The following PIK3C2G variants were observed in gnomAD, a reference collection of about 807,000 sequenced individuals.
The protein encoded by PIK3C2G is phosphatidylinositol 3-kinase C2 domain-containing subunit gamma.
Under a neutral mutation model 181.1 loss-of-function variants are expected in PIK3C2G, and 168 were observed. That is an observed-to-expected ratio of 0.93 (90% confidence interval 0.82 to 1.05). The LOEUF is 1.05. Ranked by LOEUF, PIK3C2G falls within the 50% of genes least tolerant of loss-of-function variation. PIK3C2G has a pLI of 0.00. For missense variants in PIK3C2G, 1,869 were observed against 1,732.8 expected (o/e 1.08, Z -1.40); for synonymous variants, 573 against 592.2 (o/e 0.97, Z 0.47).
chr12:18,395,270 C>A (rs1238083360), intron 15 of PIK3C2G, among the ~76,000 whole-genome samples: 1 of 150,352 alleles, frequency 6.7e-6, no homozygotes, highest in Non-Finnish European at 1.5e-5. Context: ...AGAGAAACAA[C>A]TATAATATTA....
At chr12:18,544,661 GA>G (rs144244628) in intron 25 of PIK3C2G, among the ~76,000 whole-genome samples, 7 of 151,406 alleles carry the variant, frequency 4.6e-5, no homozygotes, top group Admixed American at 6.6e-5. Context: ...AAATGAAACA[GA>G]AAAAAAAGAA....
At chr12:18,573,632 T>C (rs191193551) in intron 29 of PIK3C2G, among the ~76,000 whole-genome samples, 1 of 152,206 alleles carries the variant, frequency 6.6e-6, no homozygotes, top group African/African-American at 2.4e-5. Context: ...AAAGCAAATG[T>C]CTAGCTGTTT....
chr12:18,387,593 C>T (rs1016269138), intron 14 of PIK3C2G, among the ~76,000 whole-genome samples: 5 of 152,098 alleles, frequency 3.3e-5, no homozygotes, highest in Admixed American at 3.3e-4. Flanking sequence ...TTTTTCCACC[C>T]ACGGACCCTC....
chr12:18,488,549 T>C lies in PIK3C2G; in HGVS notation c.2605T>C (p.Phe869Leu). The change falls in exon 19 of 33, where the codon TTT becomes CTT. Residue 869 changes from phenylalanine to leucine, a missense_variant. Coordinates refer to ENST00000538779, the MANE Select transcript of PIK3C2G (RefSeq NM_001288772.2). ...TGCAGGTAAAGCCTTGAATGATGAG[T>C]TTTCCAAGGAGCAGAAACTTATCAA... ...FCAGKALNDE[F>L]SKEQKLIKIL... is the part of the protein sequence containing the mutation. 6.3e-7 allele frequency: 1 copy of C among 1,589,440 alleles called. No individual in the cohort carries two copies. Among genetic ancestry groups the C allele is most frequent in the Non-Finnish European group, 8.6e-7 (1 of 1,167,416 alleles).
chr12:18,337,606 CGTGGCGAG>C (rs1393951292), intron 8 of PIK3C2G, among the ~76,000 whole-genome samples: 1 of 152,072 alleles, frequency 6.6e-6, no homozygotes, highest in African/African-American at 2.4e-5. Flanking sequence ...AGGTGTCTCA[CGTGGCGAG>C]AGCTGGAGCA....
chr12:18,723,498 A>C, the PIK3C2G span: 3 of 1,612,736 alleles, frequency 1.9e-6, no homozygotes, highest in African/African-American at 4.0e-5. Flanking sequence ...AAATTGCTCT[A>C]AATTCTTCTA....
intron 29 of PIK3C2G, among the ~76,000 whole-genome samples, chr12:18,587,234 G>C (rs1946827939): frequency 6.6e-6 from 1 of 152,108 alleles, no homozygotes; most frequent in South Asian, 2.1e-4. Flanking sequence ...AATAAATAAA[G>C]GGCATCCAAA....
chr12:18,509,044 T>A (rs1230319096), intron 24 of PIK3C2G, among the ~76,000 whole-genome samples: 1 of 152,040 alleles, frequency 6.6e-6, no homozygotes, highest in Non-Finnish European at 1.5e-5. Context: ...TATTATTGCT[T>A]TTTTATTTTT....
chr12:18,331,363 T>C (rs1179170027), intron 8 of PIK3C2G, among the ~76,000 whole-genome samples: 1 of 152,170 alleles, frequency 6.6e-6, no homozygotes, highest in African/African-American at 2.4e-5. Flanking sequence ...TCAGCAATGC[T>C]TTACAATTTA....
chr12:18,399,624 T>C (rs1351902028), intron 15 of PIK3C2G, 35 bp from the exon 16 acceptor site: 1 of 1,389,486 alleles, frequency 7.2e-7, no homozygotes, highest in East Asian at 2.3e-5. Flanking sequence ...TGCAGCAAAC[T>C]CCAGTAAATT....
chr12:18,702,818 C>CTT, the PIK3C2G span, among the ~76,000 whole-genome samples: 2,947 of 116,530 alleles, frequency 0.025, 188 homozygotes, highest in African/African-American at 0.067. Context: ...GATAAAGTAA[C>CTT]TTTTTTTTTT....
chr12:18,716,856 T>C, the PIK3C2G span, among the ~76,000 whole-genome samples: 16 of 152,216 alleles, frequency 1.1e-4, no homozygotes, highest in Non-Finnish European at 2.4e-4. Flanking sequence ...AAAATAAATT[T>C]AAGAATCTTT....
chr12:18,279,019 GA>G (rs1272349826), intron 1 of PIK3C2G, among the ~76,000 whole-genome samples: 31 of 151,858 alleles, frequency 2.0e-4, no homozygotes, highest in African/African-American at 4.3e-4. Context: ...AGAAGTACTT[GA>G]AAAAAATATT....
intron 18 of PIK3C2G, among the ~76,000 whole-genome samples, chr12:18,484,291 T>C (rs1939834822): frequency 6.6e-6 from 1 of 152,316 alleles, no homozygotes; most frequent in South Asian, 2.1e-4. Context: ...ATCATGAATA[T>C]ATAACATTCC....
intron 30 of PIK3C2G, among the ~76,000 whole-genome samples, chr12:18,599,350 G>A (rs567406204): frequency 2.6e-5 from 4 of 152,206 alleles, no homozygotes; most frequent in South Asian, 2.1e-4. Flanking sequence ...CCTTTGTAGG[G>A]ACATGGATGA....
At chr12:18,354,637 G>A (rs149102916) in intron 11 of PIK3C2G, among the ~76,000 whole-genome samples, 3 of 152,142 alleles carry the variant, frequency 2.0e-5, no homozygotes, top group Admixed American at 1.3e-4. Context: ...CCCTCCTGAG[G>A]CCAAGCCAGT....
intron 5 of PIK3C2G, among the ~76,000 whole-genome samples, chr12:18,306,973 CG>C (rs1387563503): frequency 1.3e-5 from 2 of 150,910 alleles, no homozygotes; most frequent in Non-Finnish European, 3.0e-5. Flanking sequence ...ATAAAACAAG[CG>C]TAAGTATTTA....
chr12:18,264,068 TG>T (rs1948370039), intron 1 of PIK3C2G, among the ~76,000 whole-genome samples: 1 of 152,202 alleles, frequency 6.6e-6, no homozygotes, highest in African/African-American at 2.4e-5. Flanking sequence ...TTTTTGTTGT[TG>T]TTTTCATTCT....
At chr12:18,709,262 T>C in the PIK3C2G span, among the ~76,000 whole-genome samples, 2 of 152,166 alleles carry the variant, frequency 1.3e-5, no homozygotes. Context: ...GTACCATTTA[T>C]TGAAGACATT....
Sources: allele counts gnomAD v4.1 joint callset (sites outside exome capture counted in the v4.1 genomes callset), GRCh38; gene constraint gnomAD v4.1.1; transcripts MANE v1.5; gene names NCBI Gene and HGNC (gene_info 2026-07-23, HGNC 2026-07-21).